Variants in PIGG observed in about 807,000 individuals in gnomAD.
PIGG encodes GPI ethanolamine phosphate transferase 2, catalytic subunit.
A neutral mutation model predicts 83.2 loss-of-function variants in PIGG; 70 were observed. The ratio of observed to expected loss-of-function variants is 0.84; its 90% CI spans 0.69 to 1.03. The LOEUF is 1.03. PIGG is among the 50% of genes least tolerant of loss of function. The pLI is 0.00. For missense variants in PIGG, 1,257 were observed against 1,233.6 expected (o/e 1.02, Z -0.28); for synonymous variants, 532 against 519.5 (o/e 1.02, Z -0.33).
rs1723602603 is a variant in PIGG at position 515,697 on chromosome 4, A to C, written c.902-276A>C. Reference sequence around the variant, plus strand: ...CACCTGCTTCCTCTGTGTTCAGCCCATGCTCCGTAGCCCTTACTGTATGGA... The same window carrying C: ...CACCTGCTTCCTCTGTGTTCAGCCCCTGCTCCGTAGCCCTTACTGTATGGA... On this transcript the variant is annotated intron_variant, in intron 5 of 12. Coordinates refer to ENST00000453061, the MANE Select transcript of PIGG (RefSeq NM_001127178.3). This position sits in a 1 kb window ranked among gnomAD's most constrained non-coding sequence, Gnocchi z 4.2. 6.6e-6 allele frequency among the ~76,000 whole-genome samples: 1 copy of C among 152,174 alleles called. No homozygotes were observed. The highest frequency in any genetic ancestry group is 1.5e-5 in the Non-Finnish European group (1 of 68,030).
In PIGG at chr4:521,925, G is replaced by A; in HGVS notation, c.1598G>A (p.Gly533Glu). 6.2e-7 allele frequency: 1 copy of A among 1,614,058 alleles called. No homozygotes were observed. Among genetic ancestry groups the A allele is most frequent in the Non-Finnish European group, 8.5e-7 (1 of 1,179,930 alleles). ...VSVLTNVLVG[G>E]NTPRKNPMHP... ...GTTCTGACCAACGTGCTCGTGGGTG[G>A]AAACACCCCAAGGAAGGTACGTACG... The change falls in exon 8 of 13, where the codon GGA becomes GAA. Residue 533 changes from glycine to glutamate, a missense_variant. Physicochemically the swap from Gly to Glu is moderately conservative, Grantham distance 98 (BLOSUM62 -2). Transcript: ENST00000453061.
At chr4:537,015 G>C (rs1222402073) in intron 12 of PIGG, 1 of 152,252 alleles carries the variant, frequency 6.6e-6, no homozygotes, top group Non-Finnish European at 1.5e-5. Flanking sequence ...GAGGGAAAAA[G>C]ACAAATATTA....
intron 12 of PIGG, among the ~76,000 whole-genome samples, chr4:534,429 G>A (rs938909406): frequency 1.2e-4 from 18 of 152,264 alleles, no homozygotes; most frequent in African/African-American, 4.3e-4. Flanking sequence ...CCCTGGAGAA[G>A]GCTCCTGGCC....
chr4:518,047 C>T (rs969193435), intron 6 of PIGG, among the ~76,000 whole-genome samples: 3 of 152,144 alleles, frequency 2.0e-5, no homozygotes, highest in Non-Finnish European at 2.9e-5. Flanking sequence ...CCTAGAGTCA[C>T]GTGTGGAAGA....
intron 6 of PIGG, among the ~76,000 whole-genome samples, chr4:517,169 C>T (rs1724186148): frequency 6.6e-6 from 1 of 152,148 alleles, no homozygotes; most frequent in Non-Finnish European, 1.5e-5. Context: ...GAGTCTCCCA[C>T]TTGCATTTTC....
Position 521,825 on chromosome 4 carries a change from T to C in PIGG, c.1498T>C (p.Phe500Leu). ...VCTSAESSCYFCGLSWLAAGG... is the reference protein window; with the variant it reads ...VCTSAESSCYLCGLSWLAAGG... The stretch of plus-strand genomic sequence containing the variant: ...CACCTCAGCTGAAAGTTCGTGCTAC[T>C]TCTGTGGCCTCTCGTGGCTGGCGGC... Residue 500 changes from phenylalanine (F) to leucine (L), a missense_variant, in exon 8 of 13, where the codon TTC (phenylalanine) becomes CTC (leucine). By Grantham distance (22) the Phe-to-Leu change is conservative (BLOSUM62 0). Coordinates refer to ENST00000453061, the MANE Select transcript of PIGG (RefSeq NM_001127178.3). The C allele has an allele frequency of 6.2e-7, 1 of 1,614,214 alleles. No individual in the cohort carries two copies. Among genetic ancestry groups the C allele is most frequent in the Non-Finnish European group, 8.5e-7 (1 of 1,180,022 alleles).
chr4:523,310 G>T (rs1726573041), intron 8 of PIGG, 149 bp from the exon 9 acceptor site: 1 of 684,998 alleles, frequency 1.5e-6, no homozygotes, highest in Non-Finnish European at 2.6e-6. Context: ...GCAGAAGGGG[G>T]CTGTTCCAGA....
intron 12 of PIGG, among the ~76,000 whole-genome samples, chr4:535,419 C>CGG (rs1730263159): frequency 6.6e-6 from 1 of 152,248 alleles, no homozygotes; most frequent in Non-Finnish European, 1.5e-5. Context: ...TGTGCTGAAA[C>CGG]CGCGCACCGC....
intron 10 of PIGG, chr4:527,712 G>A (rs7671228): frequency 0.13 from 129,270 of 985,016 alleles, 9,672 homozygotes; most frequent in African/African-American, 0.32. Context: ...ACGAGCCCCC[G>A]TAAGGGGCCA....
intron 12 of PIGG, chr4:536,177 C>G (rs1044374562): frequency 2.0e-5 from 3 of 152,414 alleles, no homozygotes; most frequent in Non-Finnish European, 4.4e-5. Context: ...GGCTGGACCC[C>G]TCAGTCGCTC....
intron 5 of PIGG, among the ~76,000 whole-genome samples, chr4:511,213 A>G (rs565147248): frequency 6.7e-6 from 1 of 149,818 alleles, no homozygotes; most frequent in Admixed American, 6.7e-5. Context: ...GAATCACTTG[A>G]GCCCAGGAGG....
intron 1 of PIGG, chr4:500,150 A>G (rs1354901504): frequency 7.6e-6 from 4 of 524,314 alleles, no homozygotes; most frequent in Admixed American, 6.6e-5. Context: ...CTCCTACCCC[A>G]GTACTCTTCA....
At position 539,211 on chromosome 4, in the gene PIGG, T is replaced by A; in HGVS notation, c.2794T>A (p.Phe932Ile). 2 of 1,613,746 alleles carry A rather than the reference T, an allele frequency of 1.2e-6. No individual in the cohort carries two copies. Among genetic ancestry groups the A allele is most frequent in the Non-Finnish European group, 1.7e-6 (2 of 1,179,576 alleles). The change falls in exon 13 of 13, where the codon TTC (phenylalanine) becomes ATC (isoleucine). Residue 932 changes from phenylalanine to isoleucine, a missense_variant. Phe to Ile is a conservative substitution (Grantham distance 21). Transcript: ENST00000453061. ...CGCACTGATTTGTTCTATTCCAGTT[T>A]TCACGTACATCGTTTTGGTGACATC... ...CYALICSIPV[F>I]TYIVLVTSLR...
intron 11 of PIGG, chr4:531,719 T>C (rs1314919840): frequency 1.3e-5 from 2 of 152,428 alleles, no homozygotes; most frequent in African/African-American, 2.4e-5. Context: ...AGGTGGCCAA[T>C]GGCCAGCTTC....
intron 10 of PIGG, among the ~76,000 whole-genome samples, chr4:529,131 G>T (rs1728420117): frequency 6.6e-6 from 1 of 152,180 alleles, no homozygotes; most frequent in Non-Finnish European, 1.5e-5. Context: ...GGCCAGGGGA[G>T]GAGGAGGAGG....
intron 9 of PIGG, among the ~76,000 whole-genome samples, chr4:526,562 G>C (rs1235863966): frequency 6.6e-6 from 1 of 152,254 alleles, no homozygotes; most frequent in East Asian, 1.9e-4. Flanking sequence ...GGAGGCAGGA[G>C]AGGGGAGGTG....
chr4:504,445 G>GT (rs1275424086), intron 2 of PIGG, among the ~76,000 whole-genome samples: 1 of 152,150 alleles, frequency 6.6e-6, no homozygotes, highest in Non-Finnish European at 1.5e-5. Context: ...GAGATTCCGT[G>GT]TTTTTTCTTA....
At position 539,335 on chromosome 4, in the gene PIGG, C is replaced by T. The variant is rs764734046; in HGVS notation, c.2918C>T (p.Thr973Met). Residue 973 changes from threonine to methionine, a missense_variant, in exon 13 of 13, where the codon ACG becomes ATG. Thr to Met is a moderately conservative substitution (Grantham distance 81). Transcript: ENST00000453061. ...LITAAVCVFF[T>M]AMDQTRLTQS ...ACAGCTGCTGTCTGTGTATTCTTCA[C>T]GGCAATGGATCAAACCAGACTCACA... The T allele has an allele frequency of 2.7e-5, 44 of 1,612,420 alleles. No homozygotes were observed. Among genetic ancestry groups the T allele is most frequent in the Middle Eastern group, 1.6e-4 (1 of 6,082 alleles).
At chr4:512,683 T>C (rs985298597) in intron 5 of PIGG, among the ~76,000 whole-genome samples, 41 of 151,594 alleles carry the variant, frequency 2.7e-4, no homozygotes, top group Admixed American at 4.6e-4. Context: ...GATGTGGTGG[T>C]GGGCGCCTGT....
Sources: allele counts gnomAD v4.1 joint callset (sites outside exome capture counted in the v4.1 genomes callset), GRCh38; gene constraint gnomAD v4.1.1; non-coding constraint Gnocchi (gnomAD v3.1); transcripts MANE v1.5; gene names NCBI Gene and HGNC (gene_info 2026-07-23, HGNC 2026-07-21).